The following STK32B variants were observed in gnomAD, a reference collection of about 807,000 sequenced individuals.
STK32B encodes serine/threonine-protein kinase 32B.
STK32B carries 43 observed loss-of-function variants against 52.6 expected under a neutral mutation model. The ratio of observed to expected loss-of-function variants is 0.82; its 90% CI spans 0.64 to 1.05. The LOEUF (loss-of-function observed/expected upper bound fraction) is 1.05. Among genes scored for constraint, STK32B ranks in the 50% least tolerant of loss-of-function variants. The pLI is 0.00. For missense variants in STK32B, 621 were observed against 534.6 expected (o/e 1.16, Z -1.59); for synonymous variants, 238 against 204.3 (o/e 1.17, Z -1.41).
At chr4:5,424,620 T>C (rs1712930348) in intron 6 of STK32B, among the ~76,000 whole-genome samples, 1 of 152,216 alleles carries the variant, frequency 6.6e-6, no homozygotes, top group Admixed American at 6.5e-5. Flanking sequence ...GGAAAGGAGC[T>C]ACCCACTTCA....
chr4:5,177,296 AT>A, intron 3 of STK32B, among the ~76,000 whole-genome samples: 1 of 152,262 alleles, frequency 6.6e-6, no homozygotes, highest in East Asian at 1.9e-4. Flanking sequence ...AGTGGGGAAA[AT>A]GTCAGATGCT....
At chr4:5,204,436 G>T (rs1042481052) in intron 3 of STK32B, among the ~76,000 whole-genome samples, 4 of 99,696 alleles carry the variant, frequency 4.0e-5, no homozygotes, top group South Asian at 3.3e-4. Context: ...GGTTTTTTTT[G>T]TTTGTTTTTG....
intron 2 of STK32B, among the ~76,000 whole-genome samples, chr4:5,153,703 G>A (rs1717561414): frequency 6.6e-6 from 1 of 152,060 alleles, no homozygotes; most frequent in African/African-American, 2.4e-5. Flanking sequence ...ATTACAATAA[G>A]AAAATAAAAT....
chr4:5,471,963 C>T (rs1717886360), intron 11 of STK32B, among the ~76,000 whole-genome samples: 1 of 152,210 alleles, frequency 6.6e-6, no homozygotes, highest in Non-Finnish European at 1.5e-5. Context: ...CTTCCCTGCA[C>T]AGCTGACTTC....
intron 9 of STK32B, among the ~76,000 whole-genome samples, chr4:5,462,640 C>T (rs1717124362): frequency 6.6e-6 from 1 of 152,178 alleles, no homozygotes; most frequent in Non-Finnish European, 1.5e-5. Flanking sequence ...AGCCCCAGGG[C>T]TGCCAGGGAG....
intron 9 of STK32B, among the ~76,000 whole-genome samples, chr4:5,464,114 G>A (rs1250831585): frequency 6.6e-6 from 1 of 152,074 alleles, no homozygotes; most frequent in Non-Finnish European, 1.5e-5. Flanking sequence ...AGTGGGGGTG[G>A]GGGGTGCCAC....
chr4:5,052,047 T>A (rs1741809661), intron 1 of STK32B, 132 bp downstream of exon 1: 2 of 1,362,940 alleles, frequency 1.5e-6, no homozygotes, highest in Non-Finnish European at 1.0e-6. Context: ...GCCCAGCGAA[T>A]GCAGTGTGTG....
intron 2 of STK32B, among the ~76,000 whole-genome samples, chr4:5,153,416 A>T (rs946039005): frequency 2.0e-5 from 3 of 151,752 alleles, no homozygotes; most frequent in African/African-American, 7.3e-5. Context: ...GGGGGCAAAC[A>T]ATGTTCAGCC....
intron 7 of STK32B, among the ~76,000 whole-genome samples, chr4:5,452,522 A>G (rs1014427976): frequency 1.3e-5 from 2 of 151,984 alleles, no homozygotes; most frequent in African/African-American, 4.8e-5. Context: ...TGCTTCTCAG[A>G]CTCTAGGACC....
intron 3 of STK32B, among the ~76,000 whole-genome samples, chr4:5,318,198 A>G (rs1731243932): frequency 1.3e-5 from 2 of 152,132 alleles, no homozygotes; most frequent in Non-Finnish European, 2.9e-5. Flanking sequence ...AGGTGAGTAA[A>G]TGAGATTATT....
intron 1 of STK32B, among the ~76,000 whole-genome samples, chr4:5,074,931 A>G (rs918253669): frequency 2.0e-5 from 3 of 151,998 alleles, no homozygotes; most frequent in Non-Finnish European, 4.4e-5. Flanking sequence ...CTCTTACTAC[A>G]CTTAATTTGA....
At chr4:5,263,837 A>G (rs533138702) in intron 3 of STK32B, among the ~76,000 whole-genome samples, 9 of 152,268 alleles carry the variant, frequency 5.9e-5, no homozygotes, top group African/African-American at 2.2e-4. Context: ...CCCTATCACT[A>G]TTATCACTGC....
At chr4:5,133,273 G>C (rs1715887119) in intron 1 of STK32B, among the ~76,000 whole-genome samples, 1 of 152,192 alleles carries the variant, frequency 6.6e-6, no homozygotes, top group African/African-American at 2.4e-5. Flanking sequence ...TACCCACTCA[G>C]TAAAAATGTA....
intron 1 of STK32B, among the ~76,000 whole-genome samples, chr4:5,100,216 G>A (rs997703371): frequency 6.6e-6 from 1 of 152,088 alleles, no homozygotes; most frequent in Non-Finnish European, 1.5e-5. Context: ...ACGGGCTCTC[G>A]TCTCTGGGCC....
chr4:5,019,472 C>T, the STK32B span: 15 of 1,439,262 alleles, frequency 1.0e-5, no homozygotes, highest in South Asian at 1.7e-4. Flanking sequence ...GCAGCCTCGC[C>T]GACCGCCCCT....
intron 11 of STK32B, among the ~76,000 whole-genome samples, chr4:5,493,207 C>G (rs186831329): frequency 1.3e-5 from 2 of 152,072 alleles, no homozygotes; most frequent in Admixed American, 6.6e-5. Flanking sequence ...TCCATCTGGT[C>G]CTGGACTCTT....
At chr4:5,065,158 G>A (rs867670485) in intron 1 of STK32B, among the ~76,000 whole-genome samples, 1 of 152,052 alleles carries the variant, frequency 6.6e-6, no homozygotes, top group Non-Finnish European at 1.5e-5. Flanking sequence ...CAGTCAGGGT[G>A]CAGTCAGGAC....
At chr4:5,496,601 C>T (rs1720281686) in intron 11 of STK32B, among the ~76,000 whole-genome samples, 1 of 151,098 alleles carries the variant, frequency 6.6e-6, no homozygotes, top group Non-Finnish European at 1.5e-5. Context: ...GAGATGAACC[C>T]GGTACCTCAG....
intron 3 of STK32B, among the ~76,000 whole-genome samples, chr4:5,222,438 T>A (rs888558224): frequency 6.6e-6 from 1 of 152,190 alleles, no homozygotes; most frequent in Admixed American, 6.5e-5. Flanking sequence ...GTCTTTATAG[T>A]GATTACTAAG....
Sources: allele counts gnomAD v4.1 joint callset (sites outside exome capture counted in the v4.1 genomes callset), GRCh38; gene constraint gnomAD v4.1.1; transcripts MANE v1.5; gene names NCBI Gene and HGNC (gene_info 2026-07-23, HGNC 2026-07-21).